Variants in ZSWIM5 observed in about 807,000 individuals in gnomAD.
The protein encoded by ZSWIM5 is zinc finger SWIM-type containing 5, also known as zinc finger SWIM domain-containing protein 5.
A neutral mutation model predicts 119.6 loss-of-function variants in ZSWIM5; 55 were observed. That is an observed-to-expected ratio of 0.46 (90% confidence interval 0.37 to 0.58). ZSWIM5 has a LOEUF of 0.58. Among genes scored for constraint, ZSWIM5 ranks in the 20% least tolerant of loss-of-function variants. The probability of loss-of-function intolerance (pLI) is 0.00; values close to 1 mark genes in which losing one functional copy is unlikely to be tolerated. For missense variants in ZSWIM5, 1,193 were observed against 1,512.8 expected (o/e 0.79, Z 3.51); for synonymous variants, 537 against 606.9 (o/e 0.88, Z 1.69).
intron 6 of ZSWIM5, among the ~76,000 whole-genome samples, chr1:45,041,125 T>G (rs1389404558): frequency 6.6e-6 from 1 of 152,204 alleles, no homozygotes; most frequent in Non-Finnish European, 1.5e-5. Flanking sequence ...GGAAAGACAT[T>G]CCTGACAAAG....
At chr1:45,167,074 A>C (rs901238294) in intron 1 of ZSWIM5, among the ~76,000 whole-genome samples, 1 of 152,130 alleles carries the variant, frequency 6.6e-6, no homozygotes, top group African/African-American at 2.4e-5. Context: ...TTCAAACTAT[A>C]CTACAAGGCT....
At chr1:45,022,630 A>G (rs1644895098) in intron 11 of ZSWIM5, among the ~76,000 whole-genome samples, 1 of 152,202 alleles carries the variant, frequency 6.6e-6, no homozygotes, top group Non-Finnish European at 1.5e-5. Context: ...GAGTAGTTTC[A>G]GGTTTACAGG....
chr1:45,051,084 A>T lies in ZSWIM5; in HGVS notation c.1422T>A (p.Ile474=). 1 of 1,613,474 alleles carries T rather than the reference A, an allele frequency of 6.2e-7. No individual in the cohort carries two copies. The change falls in exon 5 of 14, where the codon ATT becomes ATA. Residue 474 remains isoleucine (I), a synonymous_variant. Transcript: ENST00000359600. ...NITNALPQSA[I]HSPDSLSRPR... ...GGACACTTGGCTCACCTGGGCTGTG[A>T]ATGGCACTCTGGGGAAGTGCATTGG...
At chr1:45,196,417 G>A (rs1475453016) in intron 1 of ZSWIM5, among the ~76,000 whole-genome samples, 3 of 115,312 alleles carry the variant, frequency 2.6e-5, no homozygotes, top group Non-Finnish European at 5.1e-5. Context: ...TGAGGCGGAA[G>A]TCTTGCTCTG....
intron 1 of ZSWIM5, among the ~76,000 whole-genome samples, chr1:45,106,074 C>T (rs1295528381): frequency 1.5e-5 from 2 of 136,322 alleles, no homozygotes; most frequent in East Asian, 2.3e-4. Context: ...AGGTGAGGAG[C>T]GCCTCTGCAC....
intron 1 of ZSWIM5, among the ~76,000 whole-genome samples, chr1:45,164,540 G>C (rs1339453580): frequency 6.6e-6 from 1 of 152,076 alleles, no homozygotes; most frequent in Non-Finnish European, 1.5e-5. Context: ...TGGATAAAGA[G>C]TCAAGACCCA....
chr1:45,081,504 G>A (rs1450018217), intron 2 of ZSWIM5, among the ~76,000 whole-genome samples: 2 of 152,252 alleles, frequency 1.3e-5, no homozygotes, highest in African/African-American at 2.4e-5. Flanking sequence ...GTGGAGACGG[G>A]GTTTCGCTGT....
At chr1:45,121,050 C>T (rs1645588513) in intron 1 of ZSWIM5, among the ~76,000 whole-genome samples, 1 of 151,888 alleles carries the variant, frequency 6.6e-6, no homozygotes. Flanking sequence ...CCCGGGTTCA[C>T]GCCATTCTCC....
intron 1 of ZSWIM5, among the ~76,000 whole-genome samples, chr1:45,125,767 A>C (rs546477052): frequency 9.6e-4 from 141 of 147,108 alleles, no homozygotes; most frequent in African/African-American, 3.2e-3. Context: ...CCGTTTCACA[A>C]AAAAAAAAAA....
intron 1 of ZSWIM5, among the ~76,000 whole-genome samples, chr1:45,166,069 T>C (rs1645900629): frequency 6.6e-6 from 1 of 152,152 alleles, no homozygotes; most frequent in African/African-American, 2.4e-5. Context: ...AAATCCTCAA[T>C]AAAATACTGG....
chr1:45,073,320 A>C (rs1645236070), intron 2 of ZSWIM5, among the ~76,000 whole-genome samples: 1 of 131,616 alleles, frequency 7.6e-6, no homozygotes, highest in African/African-American at 3.1e-5. Context: ...TTGCAGTGGC[A>C]CGATCTTAGC....
chr1:45,175,810 G>A (rs1172645736), intron 1 of ZSWIM5, among the ~76,000 whole-genome samples: 2 of 151,028 alleles, frequency 1.3e-5, no homozygotes, highest in Non-Finnish European at 2.9e-5. Flanking sequence ...CATTCAATGG[G>A]TTGGTTATAT....
In ZSWIM5 at chr1:45,035,808, C is replaced by A. The variant is rs949524821; in HGVS notation, c.2171G>T (p.Gly724Val). 6.2e-7 allele frequency: 1 copy of A among 1,612,498 alleles called. No homozygotes were observed. Among genetic ancestry groups the A allele is most frequent in the African/African-American group, 1.3e-5 (1 of 74,518 alleles). ...CTCTCGGTGGATGACTTCTCCCAGA[C>A]CGCTGAAAGGACCTCCTGGAGGAAG... is the stretch of plus-strand genomic sequence containing the variant. ...ILLLEGGPFS[G>V]LGEVIHRESV... The change falls in exon 10 of 14, where the codon GGT becomes GTT. Residue 724 changes from glycine (G) to valine (V), a missense_variant. Coordinates refer to ENST00000359600, the MANE Select transcript of ZSWIM5 (RefSeq NM_020883.2).
At chr1:45,202,409 T>C (rs1195196605) in intron 1 of ZSWIM5, among the ~76,000 whole-genome samples, 1 of 152,106 alleles carries the variant, frequency 6.6e-6, no homozygotes, top group African/African-American at 2.4e-5. Flanking sequence ...AAGTTATAGA[T>C]AACTTCCTGA....
intron 1 of ZSWIM5, among the ~76,000 whole-genome samples, chr1:45,201,442 T>C (rs1210643133): frequency 6.6e-6 from 1 of 152,216 alleles, no homozygotes; most frequent in East Asian, 1.9e-4. Flanking sequence ...TAAACTTGAC[T>C]TTTTTGGTGT....
Position 45,051,111 on chromosome 1 carries a change from G to C in ZSWIM5, c.1395C>G (p.Ile465Met). 1 of 1,614,166 alleles carries C rather than the reference G, an allele frequency of 6.2e-7. No individual in the cohort carries two copies. Among genetic ancestry groups the C allele is most frequent in the Non-Finnish European group, 8.5e-7 (1 of 1,180,028 alleles). ...TGGCACTCTGGGGAAGTGCATTGGT[G>C]ATGTTGGGCAGCTCATGTCCATAGT... The part of the protein sequence containing the change: ...DGNYGHELPN[I>M]TNALPQSAIH... Residue 465 changes from isoleucine to methionine, a missense_variant, in exon 5 of 14, where the codon ATC (isoleucine) becomes ATG (methionine). Transcript: ENST00000359600.
chr1:45,186,085 G>C (rs1245382516), intron 1 of ZSWIM5, among the ~76,000 whole-genome samples: 1 of 151,442 alleles, frequency 6.6e-6, no homozygotes, highest in Non-Finnish European at 1.5e-5. Context: ...AAAATGATGA[G>C]TTCATGTCCT....
intron 11 of ZSWIM5, among the ~76,000 whole-genome samples, chr1:45,031,740 G>A (rs1476544857): frequency 1.3e-5 from 2 of 151,448 alleles, no homozygotes; most frequent in Non-Finnish European, 2.9e-5. Context: ...CTCGGGAGGC[G>A]GAGGCAGGAG....
At chr1:45,032,651 A>G (rs1170410235) in intron 11 of ZSWIM5, among the ~76,000 whole-genome samples, 1 of 151,496 alleles carries the variant, frequency 6.6e-6, no homozygotes, top group Non-Finnish European at 1.5e-5. Context: ...ACGCCCAGCT[A>G]ATTTTTGTAT....
Sources: allele counts gnomAD v4.1 joint callset (sites outside exome capture counted in the v4.1 genomes callset), GRCh38; gene constraint gnomAD v4.1.1; transcripts MANE v1.5; gene names NCBI Gene and HGNC (gene_info 2026-07-23, HGNC 2026-07-21).